Variants in COL23A1 observed in about 807,000 individuals in gnomAD.
The protein encoded by COL23A1 is collagen alpha-1(XXIII) chain.
In COL23A1, 97 loss-of-function variants were observed where a neutral mutation model predicts 99.3. That is an observed-to-expected ratio of 0.98 (90% CI 0.83 to 1.16). The LOEUF (loss-of-function observed/expected upper bound fraction) is 1.16. COL23A1 is among the 50% of genes most tolerant of loss of function. The pLI is 0.00. For missense variants in COL23A1, 762 were observed against 757.4 expected (o/e 1.01, Z -0.07); for synonymous variants, 320 against 308.2 (o/e 1.04, Z -0.40).
In COL23A1 at chr5:178,257,564, C is replaced by A. The variant is rs777624302; in HGVS notation, c.733G>T (p.Asp245Tyr). The A allele has an allele frequency of 1.3e-6, 2 of 1,558,818 alleles. No homozygotes were observed. The highest frequency in any genetic ancestry group is 2.4e-5 in the South Asian group (2 of 84,490). Residue 245 changes from aspartate to tyrosine, a missense_variant, in exon 13 of 29, where the codon GAC becomes TAC. Transcript: ENST00000390654. ...GEPGVPGKKG[D>Y]DGTPSQPGPP... is the part of the protein sequence containing the mutation. ...CCAGGCTGGCTTGGTGTCCCATCGT[C>A]GCCCTGAGGAGAGGACACCTGGGGC... is the stretch of plus-strand genomic sequence containing the variant.
rs928364954 is a variant in COL23A1, at chr5:178,544,368, G to A, written c.361+16314C>T. On this transcript the variant is annotated intron_variant, in intron 2 of 28. Transcript: ENST00000390654. This position sits in a 1 kb window ranked among gnomAD's most constrained non-coding sequence, Gnocchi z 4.4. ...CAAGTCGGCGGATGCGCACTTCAGG[G>A]AGGACGCAGGCGCAGGGCCGGGGAG... Among the ~76,000 whole-genome samples, 5 of 152,212 alleles carry A rather than the reference G, an allele frequency of 3.3e-5. No individual in the cohort carries two copies. Among genetic ancestry groups the A allele is most frequent in the African/African-American group, 1.2e-4 (5 of 41,462 alleles).
chr5:178,250,627 A>G (rs971255924), intron 17 of COL23A1, among the ~76,000 whole-genome samples: 1 of 152,232 alleles, frequency 6.6e-6, no homozygotes, highest in African/African-American at 2.4e-5. Flanking sequence ...ATTCAACAAG[A>G]AAGAACACTT....
intron 2 of COL23A1, among the ~76,000 whole-genome samples, chr5:178,547,008 G>T (rs959269314): frequency 1.3e-5 from 2 of 152,296 alleles, no homozygotes; most frequent in Admixed American, 6.5e-5. Context: ...TCCAAGCTTG[G>T]GGGGCATCCT....
chr5:178,279,853 C>T (rs1054534305), intron 5 of COL23A1, among the ~76,000 whole-genome samples: 1 of 152,246 alleles, frequency 6.6e-6, no homozygotes, highest in Non-Finnish European at 1.5e-5. Flanking sequence ...CTGACCCCCA[C>T]CAGGCCAGGT....
intron 1 of COL23A1, among the ~76,000 whole-genome samples, chr5:178,584,870 T>C (rs2113744073): frequency 1.3e-5 from 2 of 152,294 alleles, no homozygotes; most frequent in Middle Eastern, 6.8e-3. Flanking sequence ...CCTAGTGTCC[T>C]CTTCCCTTCC....
chr5:178,563,696 T>C (rs1762716112), intron 1 of COL23A1, among the ~76,000 whole-genome samples: 1 of 151,912 alleles, frequency 6.6e-6, no homozygotes, highest in Non-Finnish European at 1.5e-5. Context: ...CACACCCAGC[T>C]AATTTTTAAA....
At chr5:178,247,097 G>C (rs562498408) in intron 22 of COL23A1, among the ~76,000 whole-genome samples, 8 of 150,318 alleles carry the variant, frequency 5.3e-5, no homozygotes, top group African/African-American at 1.5e-4. Flanking sequence ...CAGGGAACAC[G>C]CCATCATGTA....
Position 178,464,318 on chromosome 5 carries a change from T to C in COL23A1, c.361+96364A>G, listed in dbSNP as rs193272644. On this transcript the variant is annotated intron_variant, in intron 2 of 28. Transcript: ENST00000390654. ...TAAAATCGTGCAGTATGTATCCTTT[T>C]GTGTCTGGCTTATTTCACTTAGCAT... Among the ~76,000 whole-genome samples the C allele has an allele frequency of 3.7e-3, 563 of 152,360 alleles. 2 individuals carry two copies. The highest frequency in any genetic ancestry group is 6.8e-3 in the Middle Eastern group (2 of 294).
chr5:178,590,325 G>C lies in COL23A1; in HGVS notation c.-128C>G, dbSNP rs1764207489. 1 of 835,886 alleles carries C rather than the reference G, an allele frequency of 1.2e-6. No homozygotes were observed. The highest frequency in any genetic ancestry group is 4.8e-5 in the Admixed American group (1 of 20,696). The allele number at this position is 835,886 out of a possible 1,614,324, so 51.8% of individuals were successfully genotyped here. Reference sequence around the variant, plus strand: ...GGGCGCGGGGGTTAGCCTCCGGGTAGCAGCGGATCGCCGCGCACGCCCCCT... The same window carrying C: ...GGGCGCGGGGGTTAGCCTCCGGGTACCAGCGGATCGCCGCGCACGCCCCCT... On this transcript the variant is annotated 5_prime_UTR_variant, in exon 1 of 29. Transcript: ENST00000390654. This position sits in a 1 kb window ranked among gnomAD's most constrained non-coding sequence, Gnocchi z 5.7.
intron 1 of COL23A1, among the ~76,000 whole-genome samples, chr5:178,582,060 G>A (rs976611538): frequency 6.6e-6 from 1 of 151,822 alleles, no homozygotes; most frequent in Non-Finnish European, 1.5e-5. Context: ...GGGGCAGGGG[G>A]AACAGGTGCA....
At chr5:178,315,069 C>G (rs1159860224) in intron 2 of COL23A1, among the ~76,000 whole-genome samples, 1 of 152,180 alleles carries the variant, frequency 6.6e-6, no homozygotes, top group African/African-American at 2.4e-5. Context: ...ACGACTCCAG[C>G]CCCCTTTATG....
chr5:178,546,762 C>T (rs1761603952), intron 2 of COL23A1, among the ~76,000 whole-genome samples: 1 of 152,232 alleles, frequency 6.6e-6, no homozygotes, highest in African/African-American at 2.4e-5. Flanking sequence ...GTCCGTGACA[C>T]CCGCTTCCAT....
chr5:178,497,752 G>A (rs1331526785), intron 2 of COL23A1, among the ~76,000 whole-genome samples: 1 of 152,116 alleles, frequency 6.6e-6, no homozygotes, highest in East Asian at 1.9e-4. Flanking sequence ...AGTTAAATAG[G>A]AGATTAGATA....
chr5:178,566,009 T>C (rs866954340), intron 1 of COL23A1, among the ~76,000 whole-genome samples: 2 of 150,430 alleles, frequency 1.3e-5, no homozygotes, highest in Non-Finnish European at 3.0e-5. Context: ...ACATCTGTAG[T>C]CCCAGATACT....
chr5:178,545,694 G>A (rs891506272), intron 2 of COL23A1, among the ~76,000 whole-genome samples: 3 of 152,104 alleles, frequency 2.0e-5, no homozygotes, highest in African/African-American at 7.2e-5. Flanking sequence ...GGTCTAAGCA[G>A]GGATGATGTG....
intron 2 of COL23A1, among the ~76,000 whole-genome samples, chr5:178,436,405 G>A (rs1452328514): frequency 6.6e-6 from 1 of 151,666 alleles, no homozygotes; most frequent in African/African-American, 2.4e-5. Context: ...ACCCTGCAAG[G>A]CTGCATTGGG....
At chr5:178,402,922 G>A (rs368056089) in intron 2 of COL23A1, among the ~76,000 whole-genome samples, 4 of 151,222 alleles carry the variant, frequency 2.6e-5, no homozygotes, top group African/African-American at 2.4e-5. Context: ...ACACAAAAAC[G>A]TGAGTGAATG....
At chr5:178,392,701 G>A (rs184179468) in intron 2 of COL23A1, among the ~76,000 whole-genome samples, 10 of 152,300 alleles carry the variant, frequency 6.6e-5, no homozygotes, top group African/African-American at 1.4e-4. Flanking sequence ...CCCCATGGCC[G>A]GCTCAGCTTT....
At position 178,258,236 on chromosome 5, in the gene COL23A1, AATATAT is replaced by A. The variant is rs70994992; in HGVS notation, c.730-675_730-670del. 5.4e-4 allele frequency among the ~76,000 whole-genome samples: 39 copies of A among 71,960 alleles called. 4 individuals are homozygous for A. Among genetic ancestry groups the A allele is most frequent in the South Asian group, 1.5e-3 (3 of 1,966 alleles). The allele number at this position is 71,960 out of a possible 152,430, so 47.2% of individuals were successfully genotyped here. A position where few individuals can be genotyped will look rare whatever the true frequency, so the allele number is the denominator to read the frequency against. On this transcript the variant is annotated intron_variant, in intron 12 of 28. Transcript: ENST00000390654. ...GTGACAGAGTGAGATCCTGTCTTAA[AATATAT>A]ATATATATATATATATATATACACA...
Sources: allele counts gnomAD v4.1 joint callset (sites outside exome capture counted in the v4.1 genomes callset), GRCh38; gene constraint gnomAD v4.1.1; non-coding constraint Gnocchi (gnomAD v3.1); transcripts MANE v1.5; gene names NCBI Gene and HGNC (gene_info 2026-07-23, HGNC 2026-07-21).